The following SPECC1 variants were observed in gnomAD, a reference collection of about 807,000 sequenced individuals.
SPECC1 encodes the protein sperm antigen with calponin homology and coiled-coil domains 1.
In SPECC1, 62 loss-of-function variants were observed where a neutral mutation model predicts 104.1. The ratio of observed to expected loss-of-function variants is 0.60; its 90% CI spans 0.49 to 0.74. The LOEUF (loss-of-function observed/expected upper bound fraction) is 0.74. Ranked by LOEUF, SPECC1 falls within the 30% of genes least tolerant of loss-of-function variation. The pLI is 0.00. For missense variants in SPECC1, 1,306 were observed against 1,310.5 expected (o/e 1.00, Z 0.05); for synonymous variants, 513 against 501.6 (o/e 1.02, Z -0.30).
chr17:20,115,465 T>G (rs143137173), intron 3 of SPECC1, among the ~76,000 whole-genome samples: 2 of 151,870 alleles, frequency 1.3e-5, no homozygotes, highest in African/African-American at 2.4e-5. Context: ...AAAGCAAGAC[T>G]GTCTCAAATA....
rs199955872 is a variant in SPECC1, at chr17:20,136,499, A to AT, written c.283+25945dup. 7.4e-4 allele frequency among the ~76,000 whole-genome samples: 111 copies of AT among 150,768 alleles called. No individual in the cohort carries two copies. In the East Asian group the frequency reaches 0.017, roughly 22 times the overall value. On this transcript the variant is annotated intron_variant, in intron 3 of 14. Transcript: ENST00000395527. ...GGTAAACATTTTCTAAGTTTTATTC[A>AT]TTTTTTTTGGAACAAGTAAGACAGT...
intron 3 of SPECC1, among the ~76,000 whole-genome samples, chr17:20,177,269 T>C (rs1028929486): frequency 2.0e-4 from 30 of 152,212 alleles, no homozygotes; most frequent in African/African-American, 7.2e-4. Context: ...AATTGTAGGT[T>C]AAAACTAGAA....
intron 3 of SPECC1, among the ~76,000 whole-genome samples, chr17:20,184,124 T>C (rs1167553747): frequency 7.1e-6 from 1 of 140,780 alleles, no homozygotes; most frequent in Admixed American, 7.8e-5. Flanking sequence ...GAGGTTGCAG[T>C]GAGCTGAGAT....
intron 1 of SPECC1, among the ~76,000 whole-genome samples, chr17:20,080,878 CA>C (rs916276991): frequency 2.2e-4 from 33 of 152,204 alleles, no homozygotes; most frequent in East Asian, 9.7e-4. Flanking sequence ...GGGATCAGTG[CA>C]GGGGGGGGTG....
At chr17:20,114,159 T>C (rs1473428603) in intron 3 of SPECC1, among the ~76,000 whole-genome samples, 1 of 152,174 alleles carries the variant, frequency 6.6e-6, no homozygotes, top group Middle Eastern at 3.2e-3. Flanking sequence ...AGTCAGCACC[T>C]ATGATTCTTT....
intron 13 of SPECC1, among the ~76,000 whole-genome samples, chr17:20,299,161 A>G (rs2041476900): frequency 6.6e-6 from 1 of 151,936 alleles, no homozygotes; most frequent in Admixed American, 6.6e-5. Context: ...CCTCTTCTTC[A>G]GTGAGGTTAG....
rs2048433351 is a variant in SPECC1, at chr17:20,110,501, G to A, written c.222G>A (p.Lys74=). ...STAASGVVRL[K]KTATAGAISE... is the part of the protein sequence containing the mutation. ...CTGCATCGGGGGTGGTTCGCCTGAAGAAGACCGCCACTGCCGGAGCCATCT... is the reference window on the plus strand; with the variant it reads ...CTGCATCGGGGGTGGTTCGCCTGAAAAAGACCGCCACTGCCGGAGCCATCT... The change falls in exon 3 of 15, where the codon AAG becomes AAA. Residue 74 remains lysine, a synonymous_variant. Coordinates refer to ENST00000395527, the MANE Select transcript of SPECC1 (RefSeq NM_001243439.2). The A allele has an allele frequency of 6.2e-7, 1 of 1,613,668 alleles. No homozygotes were observed. The highest frequency in any genetic ancestry group is 2.2e-5 in the East Asian group (1 of 44,852).
At chr17:20,090,098 G>T (rs1263690391) in intron 1 of SPECC1, among the ~76,000 whole-genome samples, 1 of 152,218 alleles carries the variant, frequency 6.6e-6, no homozygotes, top group African/African-American at 2.4e-5. Flanking sequence ...GGAGAGACTT[G>T]AGCACACTTT....
In SPECC1 at chr17:20,257,548, T is replaced by G. The variant is rs774471473; in HGVS notation, c.2778T>G (p.Phe926Leu). The part of the protein sequence containing the change: ...ESLSRPPSLG[F>L]GDTRLLSAST... Reference sequence around the variant, plus strand: ...TGAGCAGACCCCCGTCTCTGGGCTTTGGGGACACAAGACTGCTGAGTGCTT... The same window carrying G: ...TGAGCAGACCCCCGTCTCTGGGCTTGGGGGACACAAGACTGCTGAGTGCTT... The change falls in exon 11 of 15, where the codon TTT (phenylalanine) becomes TTG (leucine). Residue 926 changes from phenylalanine (F) to leucine (L), a missense_variant. Coordinates refer to ENST00000395527, the MANE Select transcript of SPECC1 (RefSeq NM_001243439.2). The G allele has an allele frequency of 7.1e-5, 114 of 1,613,602 alleles. No homozygotes were observed. The East Asian group carries it at 2.5e-3, about 35-fold the overall frequency.
At chr17:20,057,467 G>GC (rs1000482315) in intron 1 of SPECC1, among the ~76,000 whole-genome samples, 19 of 151,792 alleles carry the variant, frequency 1.3e-4, no homozygotes, top group African/African-American at 4.1e-4. Context: ...AACAACAACA[G>GC]CAAAAAACAG....
At chr17:20,293,967 C>T (rs752436382) in intron 12 of SPECC1, among the ~76,000 whole-genome samples, 5 of 152,060 alleles carry the variant, frequency 3.3e-5, no homozygotes, top group Admixed American at 3.3e-4. Flanking sequence ...TCTCGATGGG[C>T]AGGGACTTAG....
intron 9 of SPECC1, among the ~76,000 whole-genome samples, chr17:20,251,236 A>AAAAAAAAAAAAAAAAAAAAAAAAAAC (rs2039621568): frequency 6.7e-6 from 1 of 149,940 alleles, no homozygotes; most frequent in Admixed American, 6.7e-5. Context: ...AAAAAAAAAA[A>AAAAAAAAAAAAAAAAAAAAAAAAAAC]AAAAAGCATA....
intron 1 of SPECC1, among the ~76,000 whole-genome samples, chr17:20,075,618 A>T (rs2046729499): frequency 1.3e-5 from 2 of 152,142 alleles, no homozygotes; most frequent in Admixed American, 6.5e-5. Context: ...CCTGGGAAAC[A>T]TAGCAAGGCC....
chr17:20,096,359 G>A (rs935481969), intron 1 of SPECC1, among the ~76,000 whole-genome samples: 6 of 152,188 alleles, frequency 3.9e-5, no homozygotes, highest in African/African-American at 1.4e-4. Context: ...GTGGAATGCT[G>A]TCTCAGGTCA....
At chr17:20,044,558 T>C (rs1029407507) in intron 1 of SPECC1, among the ~76,000 whole-genome samples, 4 of 152,188 alleles carry the variant, frequency 2.6e-5, no homozygotes, top group African/African-American at 7.2e-5. Context: ...GAAAAACATA[T>C]AAAACCCTTG....
At chr17:20,163,014 G>A (rs1041529847) in intron 3 of SPECC1, among the ~76,000 whole-genome samples, 6 of 151,734 alleles carry the variant, frequency 4.0e-5, no homozygotes, top group Non-Finnish European at 5.9e-5. Flanking sequence ...GGCAACAAGA[G>A]CAAAACTCCA....
At chr17:20,111,842 T>A in intron 3 of SPECC1, 1 of 839,186 alleles carries the variant, frequency 1.2e-6, no homozygotes, top group South Asian at 1.3e-5. Context: ...GGTGGCCCTG[T>A]TCCTGAACGG....
intron 12 of SPECC1, among the ~76,000 whole-genome samples, chr17:20,294,444 A>G (rs1235732017): frequency 6.6e-6 from 1 of 152,150 alleles, no homozygotes; most frequent in African/African-American, 2.4e-5. Flanking sequence ...TTTCCCCCTG[A>G]GAAGCCTCCT....
chr17:20,156,037 C>G, intron 3 of SPECC1: 1 of 1,277,322 alleles, frequency 7.8e-7, no homozygotes, highest in Non-Finnish European at 9.9e-7. Flanking sequence ...GCAGCGGCTC[C>G]GCCGGCAGCT....
Sources: gnomAD v4.1 joint callset for allele counts (sites outside exome capture counted in the v4.1 genomes callset) on GRCh38, gnomAD v4.1.1 for gene constraint, MANE v1.5 for transcripts, NCBI Gene and HGNC (gene_info 2026-07-23, HGNC 2026-07-21) for gene names.